Variants in TRPM3 observed in about 807,000 individuals in gnomAD.
TRPM3 encodes the protein transient receptor potential cation channel subfamily M member 3, also known as long transient receptor potential channel 3.
A neutral mutation model predicts 181.2 loss-of-function variants in TRPM3; 77 were observed. That is an observed-to-expected ratio of 0.42 (90% confidence interval 0.35 to 0.51). TRPM3 has a LOEUF of 0.51. Among genes scored for constraint, TRPM3 ranks in the 20% least tolerant of loss-of-function variants. TRPM3 has a pLI of 0.01. For synonymous variants in TRPM3, 745 were observed against 796.4 expected, an observed-to-expected ratio of 0.94 and a Z score of 1.09; for missense variants, 1,759 against 2,196.7, an observed-to-expected ratio of 0.80 and a Z score of 3.98.
intron 1 of TRPM3, among the ~76,000 whole-genome samples, chr9:71,267,898 G>A (rs1015650525): frequency 2.6e-5 from 4 of 151,446 alleles, no homozygotes; most frequent in African/African-American, 9.7e-5. Context: ...ATAGTTCCTA[G>A]GGTGTACAAA....
At chr9:71,030,973 T>C (rs751959309) in intron 1 of TRPM3, among the ~76,000 whole-genome samples, 5 of 152,204 alleles carry the variant, frequency 3.3e-5, no homozygotes, top group East Asian at 3.8e-4. Flanking sequence ...GTTGAACTTA[T>C]GGGATTTGGG....
intron 1 of TRPM3, among the ~76,000 whole-genome samples, chr9:71,129,775 C>T (rs751244821): frequency 6.6e-6 from 1 of 152,126 alleles, no homozygotes; most frequent in Non-Finnish European, 1.5e-5. Context: ...CCCAATGACC[C>T]TAACTTATCT....
chr9:70,867,331 C>A (rs191826873), intron 1 of TRPM3, among the ~76,000 whole-genome samples: 33 of 152,206 alleles, frequency 2.2e-4, no homozygotes, highest in Admixed American at 1.8e-3. Flanking sequence ...TTCCTTATTT[C>A]TCTTGCTCAT....
intron 1 of TRPM3, among the ~76,000 whole-genome samples, chr9:70,921,942 AAC>A (rs71367238): frequency 3.0e-4 from 42 of 139,488 alleles, no homozygotes; most frequent in East Asian, 2.7e-3. Context: ...CACACAAACA[AAC>A]ACACACACAC....
At chr9:71,019,505 G>A (rs1163483782) in intron 1 of TRPM3, among the ~76,000 whole-genome samples, 1 of 151,766 alleles carries the variant, frequency 6.6e-6, no homozygotes, top group Non-Finnish European at 1.5e-5. Flanking sequence ...ATCTTTAAAT[G>A]CCTAATAAAA....
At chr9:71,363,281 G>A (rs957336634) in intron 1 of TRPM3, among the ~76,000 whole-genome samples, 1 of 152,158 alleles carries the variant, frequency 6.6e-6, no homozygotes, top group African/African-American at 2.4e-5. Flanking sequence ...CTACAGAATT[G>A]CTAGTCTTAA....
Position 71,190,695 on chromosome 9 carries a change from T to C in TRPM3, c.183+255958A>G, listed in dbSNP as rs368669407. Among the ~76,000 whole-genome samples the C allele has an allele frequency of 9.7e-4, 147 of 151,984 alleles. 1 individual carries two copies. Among genetic ancestry groups the C allele is most frequent in the African/African-American group, 3.3e-3 (138 of 41,504 alleles). ...TAATATAGGGTCTCCATATCTTCCT[T>C]AAAACAGAAAACTATGATACAACTT... is the stretch of plus-strand genomic sequence containing the variant. On this transcript the variant is annotated intron_variant, in intron 1 of 24. Coordinates refer to the TRPM3 transcript ENST00000357533.
intron 1 of TRPM3, among the ~76,000 whole-genome samples, chr9:70,992,239 T>G (rs2097494407): frequency 6.6e-6 from 1 of 152,330 alleles, no homozygotes; most frequent in South Asian, 2.1e-4. Flanking sequence ...AATGAAGAAG[T>G]AAATTTTGAG....
chr9:71,274,292 A>G (rs2084022674), intron 1 of TRPM3, among the ~76,000 whole-genome samples: 1 of 152,236 alleles, frequency 6.6e-6, no homozygotes, highest in African/African-American at 2.4e-5. Context: ...ACAAGTACTG[A>G]AAATTCTGTT....
chr9:70,966,726 C>T (rs894138159), intron 1 of TRPM3, among the ~76,000 whole-genome samples: 4 of 151,936 alleles, frequency 2.6e-5, no homozygotes, highest in African/African-American at 9.7e-5. Flanking sequence ...GAACACCACA[C>T]ATTGGGGTTT....
chr9:70,679,922 G>C (rs2065005744), intron 9 of TRPM3, among the ~76,000 whole-genome samples: 1 of 152,122 alleles, frequency 6.6e-6, no homozygotes, highest in Admixed American at 6.5e-5. Context: ...TTGTGGTTCA[G>C]TTCATGCCTG....
At chr9:70,917,890 G>A (rs1255799921) in intron 1 of TRPM3, among the ~76,000 whole-genome samples, 1 of 151,976 alleles carries the variant, frequency 6.6e-6, no homozygotes, top group Non-Finnish European at 1.5e-5. Context: ...ATGATCTGTT[G>A]CCTACAAGAA....
intron 7 of TRPM3, among the ~76,000 whole-genome samples, chr9:70,778,189 G>C (rs1588198036): frequency 6.6e-6 from 1 of 152,118 alleles, no homozygotes; most frequent in Admixed American, 6.5e-5. Flanking sequence ...AAGGGGAAGA[G>C]GAAAAATAGA....
chr9:71,334,315 C>T (rs1197301616), intron 1 of TRPM3, among the ~76,000 whole-genome samples: 1 of 151,598 alleles, frequency 6.6e-6, no homozygotes, highest in African/African-American at 2.4e-5. Context: ...CAGAGGAAAA[C>T]CTAAGGGATT....
chr9:71,308,021 A>G (rs1588417288), intron 1 of TRPM3, among the ~76,000 whole-genome samples: 1 of 142,576 alleles, frequency 7.0e-6, no homozygotes, highest in South Asian at 2.2e-4. Flanking sequence ...CCCAGGCTGG[A>G]GTTCAGTAGC....
intron 1 of TRPM3, among the ~76,000 whole-genome samples, chr9:71,168,544 ATTTATTTATTTATT>A (rs2076655655): frequency 5.8e-5 from 1 of 17,326 alleles, no homozygotes; most frequent in Admixed American, 5.1e-4. Context: ...TGATTTATTT[ATTTATTTATTTATT>A]TATTTATTTA....
intron 1 of TRPM3, among the ~76,000 whole-genome samples, chr9:71,227,973 A>G (rs1279874128): frequency 3.3e-5 from 5 of 152,182 alleles, no homozygotes; most frequent in East Asian, 1.9e-4. Flanking sequence ...AATATTTTCA[A>G]ACTCATTCTA....
At chr9:70,745,842 C>A (rs1290991876) in intron 8 of TRPM3, among the ~76,000 whole-genome samples, 1 of 152,006 alleles carries the variant, frequency 6.6e-6, no homozygotes. Flanking sequence ...GAAGATGGAA[C>A]CTGAAGATGA....
At chr9:71,077,906 C>CTTT (rs574083427) in intron 1 of TRPM3, among the ~76,000 whole-genome samples, 2 of 130,836 alleles carry the variant, frequency 1.5e-5, no homozygotes, top group Non-Finnish European at 1.7e-5. Flanking sequence ...TTGTTTTTGT[C>CTTT]TTTTTTTTTT....
Sources: allele counts gnomAD v4.1 joint callset (sites outside exome capture counted in the v4.1 genomes callset), GRCh38; gene constraint gnomAD v4.1.1; transcripts MANE v1.5; gene names NCBI Gene and HGNC (gene_info 2026-07-23, HGNC 2026-07-21).